Variants in SLC27A1 observed in about 807,000 individuals in gnomAD.
SLC27A1 encodes long-chain fatty acid transport protein 1.
Under a neutral mutation model 62.2 loss-of-function variants are expected in SLC27A1, and 61 were observed. The ratio of observed to expected loss-of-function variants is 0.98; its 90% confidence interval spans 0.80 to 1.21. The LOEUF is 1.21. Among genes scored for constraint, SLC27A1 ranks in the 50% most tolerant of loss-of-function variants. SLC27A1 has a pLI of 0.00. For synonymous variants in SLC27A1, 435 were observed against 408.6 expected (o/e 1.06, Z -0.78); for missense variants, 903 against 932.1 (o/e 0.97, Z 0.41).
chr19:17,476,556 GA>G (rs1358467204), intron 1 of SLC27A1, among the ~76,000 whole-genome samples: 4 of 141,794 alleles, frequency 2.8e-5, no homozygotes, highest in African/African-American at 5.2e-5. Context: ...AAAAAAAAAG[GA>G]AAAAAAAAGA....
At chr19:17,492,354 A>C (rs2075301973) in intron 6 of SLC27A1, 1 of 152,132 alleles carries the variant, frequency 6.6e-6, no homozygotes, top group African/African-American at 2.4e-5. Context: ...GTTACTACTT[A>C]CTGTCTCCTG....
rs558412853 is a variant in SLC27A1 at position 17,494,846 on chromosome 19, A to T, written c.997-2409A>T. Among the ~76,000 whole-genome samples the T allele has an allele frequency of 4.0e-5, 6 of 151,370 alleles. No homozygotes were observed. In the East Asian group the frequency reaches 1.2e-3, roughly 29 times the overall value. On this transcript the variant is annotated intron_variant, in intron 6 of 11. Coordinates refer to ENST00000252595, the MANE Select transcript of SLC27A1 (RefSeq NM_198580.3). ...TAGAGTAGCTACTCACCTGCATAAT[A>T]AGAGATTGGGTTGGGGGCTGCCAGA...
At chr19:17,487,413 A>T in intron 3 of SLC27A1, 47 bp from the exon 4 acceptor site, 1 of 221,490 alleles carries the variant, frequency 4.5e-6, no homozygotes, top group Non-Finnish European at 5.7e-6. Flanking sequence ...TCCAGGCCCC[A>T]CCCCCCAATG....
At chr19:17,503,143 A>G (rs1210832870) in intron 11 of SLC27A1, among the ~76,000 whole-genome samples, 1 of 152,166 alleles carries the variant, frequency 6.6e-6, no homozygotes, top group African/African-American at 2.4e-5. Context: ...AGCACGGGAA[A>G]GACCCACCCC....
At chr19:17,471,911 C>G (rs1437512189) in intron 1 of SLC27A1, among the ~76,000 whole-genome samples, 1 of 152,184 alleles carries the variant, frequency 6.6e-6, no homozygotes, top group Non-Finnish European at 1.5e-5. Flanking sequence ...GTCCTACCAT[C>G]TGTTCCCTGC....
At position 17,504,118 on chromosome 19, in the gene SLC27A1, G is replaced by A. The variant is rs530906138; in HGVS notation, c.1784-337G>A. On this transcript the variant is annotated intron_variant, in intron 11 of 11. Transcript: ENST00000252595. ...AAAACTTTATTTACAAAAACAGGTG[G>A]AGGGCCAAATTTGGCCCACAGGATG... Among the ~76,000 whole-genome samples, 3 of 152,160 alleles carry A rather than the reference G, an allele frequency of 2.0e-5. No individual in the cohort carries two copies. The South Asian group carries it at 6.2e-4, about 32-fold the overall frequency.
chr19:17,491,570 T>A (rs1470275146), intron 6 of SLC27A1, among the ~76,000 whole-genome samples: 1 of 152,224 alleles, frequency 6.6e-6, no homozygotes. Context: ...GACTGGTTGA[T>A]GTGTCTTGTA....
At chr19:17,488,076 G>A (rs1453676338) in intron 4 of SLC27A1, among the ~76,000 whole-genome samples, 5 of 152,034 alleles carry the variant, frequency 3.3e-5, no homozygotes, top group Non-Finnish European at 5.9e-5. Context: ...ACCCTCTCTC[G>A]GGCTAGGCGT....
intron 1 of SLC27A1, among the ~76,000 whole-genome samples, chr19:17,476,881 C>CTG: frequency 1.5e-5 from 1 of 66,416 alleles, no homozygotes; most frequent in African/African-American, 6.1e-5. Flanking sequence ...GAATGATCAT[C>CTG]TGTTTTTTTT....
At chr19:17,489,644 T>A (rs1470971787) in intron 6 of SLC27A1, among the ~76,000 whole-genome samples, 1 of 152,000 alleles carries the variant, frequency 6.6e-6, no homozygotes, top group African/African-American at 2.4e-5. Context: ...CTGTAGGGAA[T>A]TGAGACCCTG....
intron 1 of SLC27A1, 70 bp downstream of exon 1, chr19:17,470,777 C>G: frequency 1.7e-6 from 2 of 1,159,766 alleles, no homozygotes; most frequent in Non-Finnish European, 2.2e-6. Flanking sequence ...CGGTGCAGGG[C>G]TGGGTTGCGG....
chr19:17,469,469 T>G (rs1234908249), upstream of SLC27A1, among the ~76,000 whole-genome samples: 1 of 152,058 alleles, frequency 6.6e-6, no homozygotes, highest in Non-Finnish European at 1.5e-5. Context: ...GCTCGGGTCC[T>G]GATATCTTGC....
intron 1 of SLC27A1, among the ~76,000 whole-genome samples, chr19:17,474,539 A>C (rs1039919647): frequency 1.3e-5 from 2 of 151,776 alleles, no homozygotes; most frequent in Admixed American, 6.6e-5. Flanking sequence ...GGCAGCTTTG[A>C]AGATGGCCCC....
intron 4 of SLC27A1, 158 bp from the exon 5 acceptor site, chr19:17,488,690 A>C: frequency 1.6e-6 from 1 of 644,044 alleles, no homozygotes. Context: ...TAACACCACC[A>C]ACAATTGTTG....
Position 17,497,095 on chromosome 19 carries a change from C to A in SLC27A1, c.997-160C>A, listed in dbSNP as rs576310189. 8.8e-5 allele frequency: 50 copies of A among 565,166 alleles called. 1 individual carries two copies. Among genetic ancestry groups the A allele is most frequent in the Non-Finnish European group, 1.3e-4 (42 of 322,840 alleles). The allele number at this position is 565,166 out of a possible 1,614,324, so 35.0% of individuals were successfully genotyped here. A position where few individuals can be genotyped will look rare whatever the true frequency, so the allele number is the denominator to read the frequency against. On this transcript the variant is annotated intron_variant, in intron 6 of 11. Transcript: ENST00000252595. ...AACGAGTCCTAGGAGTCAATGTGGT[C>A]CCTAATGGAGTGTGGACGATTCTGC...
Position 17,488,848 on chromosome 19 carries a change from G to A in SLC27A1, c.795G>A (p.Arg265=). 6.2e-7 allele frequency: 1 copy of A among 1,613,390 alleles called. No individual in the cohort carries two copies. The highest frequency in any genetic ancestry group is 8.5e-7 in the Non-Finnish European group (1 of 1,179,912). ...CTCCCGGCTCCCCCTCCCCCTGCAG[G>A]TACTACCGCATGGCAGCCTTCGGCC... ...LPKAAIVVHS[R]YYRMAAFGHH... The change falls in exon 5 of 12, where the codon AGG becomes AGA. Residue 265 remains arginine, a splice_region_variant and synonymous_variant. Coordinates refer to ENST00000252595, the MANE Select transcript of SLC27A1 (RefSeq NM_198580.3).
chr19:17,493,173 C>T (rs1177912308), intron 6 of SLC27A1, among the ~76,000 whole-genome samples: 1 of 151,080 alleles, frequency 6.6e-6, no homozygotes, highest in Admixed American at 6.6e-5. Context: ...GCGGCTCACG[C>T]CTGTAATCCC....
chr19:17,487,203 A>T lies in SLC27A1; in HGVS notation c.592A>T (p.Lys198Ter). The change falls in exon 3 of 12, where the codon AAA becomes TAA. Residue 198 changes from lysine to a stop codon, truncating the protein, a stop_gained. Transcript: ENST00000252595. LOFTEE classifies it high-confidence loss of function. ...AVAEVSGHLG[K>*]SLIKFCSGDL... is the part of the protein sequence containing the mutation. ...GGCCGAAGTGAGCGGGCATCTGGGG[A>T]AAAGTTTGATCAAGTTCTGCTCTGG... 4 of 1,614,016 alleles carry T rather than the reference A, an allele frequency of 2.5e-6. No homozygotes were observed. The highest frequency in any genetic ancestry group is 2.5e-6 in the Non-Finnish European group (3 of 1,179,980).
chr19:17,469,025 G>A (rs925390456), upstream of SLC27A1: 7 of 152,284 alleles, frequency 4.6e-5, no homozygotes, highest in African/African-American at 1.7e-4. Flanking sequence ...GCCAGAGAAT[G>A]GGGTTGTGCG....
Sources: gnomAD v4.1 joint callset for allele counts (sites outside exome capture counted in the v4.1 genomes callset) on GRCh38, gnomAD v4.1.1 for gene constraint, MANE v1.5 for transcripts, NCBI Gene and HGNC (gene_info 2026-07-23, HGNC 2026-07-21) for gene names.